The following ITGA4 variants were observed in gnomAD, a reference collection of about 807,000 sequenced individuals.
ITGA4 encodes integrin subunit alpha 4, also known as integrin alpha-4.
In ITGA4, 63 loss-of-function variants were observed where a neutral mutation model predicts 133.6. The observed-to-expected ratio is 0.47, with a 90% CI of 0.38 to 0.58. ITGA4 has a LOEUF of 0.58. Ranked by LOEUF, ITGA4 falls within the 20% of genes least tolerant of loss-of-function variation. The pLI, the probability that ITGA4 is intolerant of heterozygous loss-of-function variation, is 0.00. For synonymous variants in ITGA4, 483 were observed against 438.0 expected (o/e 1.10, Z -1.28); for missense variants, 1,076 against 1,252.7 (o/e 0.86, Z 2.13).
intron 2 of ITGA4, among the ~76,000 whole-genome samples, chr2:181,473,720 C>A (rs1685608918): frequency 6.6e-6 from 1 of 152,164 alleles, no homozygotes; most frequent in South Asian, 2.1e-4. Context: ...GTAATCCCAG[C>A]ACTTTAGGAG....
At position 181,516,194 on chromosome 2, in the gene ITGA4, G is replaced by A. The variant is rs963890821; in HGVS notation, c.1922+4419G>A. Among the ~76,000 whole-genome samples the A allele has an allele frequency of 2.0e-5, 3 of 152,034 alleles. No individual in the cohort carries two copies. Among genetic ancestry groups the A allele is most frequent in the African/African-American group, 7.2e-5 (3 of 41,416 alleles). On this transcript the variant is annotated intron_variant, in intron 17 of 27. Coordinates refer to ENST00000397033, the MANE Select transcript of ITGA4 (RefSeq NM_000885.6). The surrounding 1 kb of genome is among the most constrained non-coding windows in gnomAD (Gnocchi z 4.0). The stretch of plus-strand genomic sequence containing the variant: ...CCTTGAAACTCATGTAAATGATACC[G>A]CAATACATTTCTGCACCTCAGTTGT...
At chr2:181,527,847 A>G (rs1574413426) in intron 22 of ITGA4, among the ~76,000 whole-genome samples, 1 of 152,208 alleles carries the variant, frequency 6.6e-6, no homozygotes, top group Non-Finnish European at 1.5e-5. Flanking sequence ...CTTTCAAGCC[A>G]TAAGTTTATG....
At chr2:181,481,367 A>G (rs1685799579) in intron 6 of ITGA4, among the ~76,000 whole-genome samples, 1 of 152,182 alleles carries the variant, frequency 6.6e-6, no homozygotes, top group Admixed American at 6.5e-5. Context: ...GCTATTTTCA[A>G]TTTCTAGGAC....
rs1179795740 is a variant in ITGA4, at chr2:181,535,823, G to GAAAGT, written c.*298_*302dup. 1 of 211,376 alleles carries GAAAGT rather than the reference G, an allele frequency of 4.7e-6. No individual in the cohort carries two copies. Among genetic ancestry groups the GAAAGT allele is most frequent in the African/African-American group, 2.3e-5 (1 of 43,716 alleles). The allele number at this position is 211,376 out of a possible 1,614,324, so 13.1% of individuals were successfully genotyped here. A position where few individuals can be genotyped will look rare whatever the true frequency, so the allele number is the denominator to read the frequency against. On this transcript the variant is annotated 3_prime_UTR_variant, in exon 28 of 28. Transcript: ENST00000397033. ...TAAGCCCTTGAAGATATCTTGAAAT[G>GAAAGT]AAAGTATAACTGAGTTAAATTATAC...
chr2:181,538,098 G>C lies in ITGA4; in HGVS notation c.*2571G>C. ...TCTTCCATGAAACTGGTCCCAAAAA[G>C]GGTGGGGACCACAGGTTTAAAGCAT... On this transcript the variant is annotated 3_prime_UTR_variant, in exon 28 of 28. Transcript: ENST00000397033. 1 of 897,358 alleles carries C rather than the reference G, an allele frequency of 1.1e-6. No individual in the cohort carries two copies. The highest frequency in any genetic ancestry group is 1.6e-5 in the African/African-American group (1 of 60,780). The allele number at this position is 897,358 out of a possible 1,614,324, so 55.6% of individuals were successfully genotyped here.
intron 14 of ITGA4, among the ~76,000 whole-genome samples, chr2:181,496,511 A>G (rs1251633327): frequency 1.3e-5 from 2 of 152,180 alleles, no homozygotes; most frequent in Admixed American, 6.5e-5. Context: ...ATGCTTGTTA[A>G]TAATTTACTG....
chr2:181,489,437 A>G (rs1685994325), intron 10 of ITGA4, among the ~76,000 whole-genome samples: 1 of 151,518 alleles, frequency 6.6e-6, no homozygotes, highest in Non-Finnish European at 1.5e-5. Flanking sequence ...GACCAACAGC[A>G]GATCACATTT....
Position 181,486,003 on chromosome 2 carries a change from T to A in ITGA4, c.1153+11T>A. The A allele has an allele frequency of 6.4e-7, 1 of 1,572,328 alleles. No homozygotes were observed. Among genetic ancestry groups the A allele is most frequent in the Non-Finnish European group, 8.6e-7 (1 of 1,165,946 alleles). ...ATGATGGCTTTGAAGGTAATTAAAATTATCAAATTGGTACTTGATTTCTGC... is the reference window on the plus strand; with the variant it reads ...ATGATGGCTTTGAAGGTAATTAAAAATATCAAATTGGTACTTGATTTCTGC... On this transcript the variant is annotated intron_variant, in intron 10 of 27. Transcript: ENST00000397033.
intron 2 of ITGA4, chr2:181,458,592 C>A: frequency 2.3e-6 from 1 of 433,184 alleles, no homozygotes. Flanking sequence ...CATCTCTCCC[C>A]GTCTCTCCGT....
rs1315988702 is a variant in ITGA4, at chr2:181,485,882, G to A, written c.1043G>A (p.Gly348Glu). The A allele has an allele frequency of 6.2e-7, 1 of 1,600,368 alleles. No individual in the cohort carries two copies. The highest frequency in any genetic ancestry group is 1.8e-5 in the Admixed American group (1 of 56,630). ...RVFVYINSGS[G>E]AVMNAMETNL... ...CGTTTTCTCTCCCTTTCTATCTAGG[G>A]AGCAGTAATGAATGCAATGGAAACA... Residue 348 changes from glycine (G) to glutamate (E), a missense_variant and splice_region_variant, in exon 10 of 28, where the codon GGA becomes GAA. Physicochemically the swap from Gly to Glu is moderately conservative, Grantham distance 98 (BLOSUM62 -2). Around this residue, in one of 4 missense-constraint regions of ITGA4, gnomAD observed 436 missense variants for 590.7 expected, o/e 0.74. Transcript: ENST00000397033.
At chr2:181,497,724 C>T (rs1686182921) in intron 14 of ITGA4, among the ~76,000 whole-genome samples, 3 of 152,074 alleles carry the variant, frequency 2.0e-5, no homozygotes, top group African/African-American at 7.2e-5. Flanking sequence ...TAAACTATCA[C>T]TTATGAATTA....
At position 181,531,674 on chromosome 2, in the gene ITGA4, TC is replaced by T; in HGVS notation, c.2684del (p.Pro895HisfsTer4). ...KRLLYCIKAD[P>X]HCLNFLCNFG... is the part of the protein sequence containing the mutation. ...CCTTCAAGTACTGCATAAAAGCTGA[TC>T]CACATTGTTTAAATTTCTTGTGTAA... On this transcript the variant is annotated frameshift_variant, in exon 25 of 28. Coordinates refer to ENST00000397033, the MANE Select transcript of ITGA4 (RefSeq NM_000885.6). LOFTEE classifies it high-confidence loss of function. The T allele has an allele frequency of 6.3e-7, 1 of 1,599,972 alleles. No individual in the cohort carries two copies. The highest frequency in any genetic ancestry group is 8.5e-7 in the Non-Finnish European group (1 of 1,169,828).
At chr2:181,505,843 A>G (rs1486028209) in intron 15 of ITGA4, among the ~76,000 whole-genome samples, 1 of 152,134 alleles carries the variant, frequency 6.6e-6, no homozygotes, top group Non-Finnish European at 1.5e-5. Context: ...GAGAAGAATT[A>G]AAACAGTGGA....
intron 14 of ITGA4, among the ~76,000 whole-genome samples, chr2:181,496,493 T>A (rs961810641): frequency 2.6e-5 from 4 of 152,156 alleles, no homozygotes; most frequent in Non-Finnish European, 4.4e-5. Context: ...CTGATTTCTA[T>A]AAATAATATG....
chr2:181,472,528 G>A (rs1316063480), intron 2 of ITGA4, among the ~76,000 whole-genome samples: 1 of 152,046 alleles, frequency 6.6e-6, no homozygotes, highest in Non-Finnish European at 1.5e-5. Flanking sequence ...AAAAATTTTA[G>A]TATTTTCAGA....
Position 181,495,455 on chromosome 2 carries a change from T to A in ITGA4, c.1385+39T>A, listed in dbSNP as rs2305586. On this transcript the variant is annotated intron_variant, in intron 13 of 27. Coordinates refer to ENST00000397033, the MANE Select transcript of ITGA4 (RefSeq NM_000885.6). This position sits in a 1 kb window ranked among gnomAD's most constrained non-coding sequence, Gnocchi z 4.3. ...ATTTCACTGCTTAATTGCAATTTGGTTTAATTGTAAAATGATGGGAGGTGG... is the reference window on the plus strand; with the variant it reads ...ATTTCACTGCTTAATTGCAATTTGGATTAATTGTAAAATGATGGGAGGTGG... 6.8e-7 allele frequency: 1 copy of A among 1,480,004 alleles called. No individual in the cohort carries two copies. The highest frequency in any genetic ancestry group is 9.4e-7 in the Non-Finnish European group (1 of 1,058,566). The allele number at this position is 1,480,004 out of a possible 1,614,324, so 91.7% of individuals were successfully genotyped here.
chr2:181,525,077 C>T, intron 20 of ITGA4, 125 bp from the exon 21 acceptor site: 1 of 463,174 alleles, frequency 2.2e-6, no homozygotes, highest in Non-Finnish European at 3.8e-6. Flanking sequence ...CTACTTTTAT[C>T]CCCACTCCTC....
At chr2:181,463,279 CTAAG>C (rs1321510473) in intron 2 of ITGA4, among the ~76,000 whole-genome samples, 2 of 152,248 alleles carry the variant, frequency 1.3e-5, no homozygotes, top group East Asian at 1.9e-4. Flanking sequence ...TGATACAACT[CTAAG>C]TATGAATTTA....
In ITGA4 at chr2:181,475,152, T is replaced by C; in HGVS notation, c.427-7T>C. ...CACATCATTTGGTCTACTTTTATTTTATTCAGACTTGTGGGCATAGATGGA... is the reference window on the plus strand; with the variant it reads ...CACATCATTTGGTCTACTTTTATTTCATTCAGACTTGTGGGCATAGATGGA... On this transcript the variant is annotated splice_region_variant and splice_polypyrimidine_tract_variant and intron_variant, in intron 3 of 27. Transcript: ENST00000397033. 6.2e-7 allele frequency: 1 copy of C among 1,613,428 alleles called. No homozygotes were observed. Among genetic ancestry groups the C allele is most frequent in the East Asian group, 2.2e-5 (1 of 44,876 alleles).
Sources: gnomAD v4.1 joint callset for allele counts (sites outside exome capture counted in the v4.1 genomes callset) on GRCh38, gnomAD v4.1.1 for gene constraint, gnomAD v4.1.1 regional missense constraint, Gnocchi (gnomAD v3.1) non-coding constraint, MANE v1.5 for transcripts, NCBI Gene and HGNC (gene_info 2026-07-23, HGNC 2026-07-21) for gene names.